Variants in CHODL observed in about 807,000 individuals in gnomAD.
CHODL encodes the protein chondrolectin, also known as transmembrane protein MT75.
A neutral mutation model predicts 34.5 loss-of-function variants in CHODL; 29 were observed. That is an observed-to-expected ratio of 0.84 (90% CI 0.63 to 1.15). The LOEUF is 1.15. CHODL is among the 50% of genes most tolerant of loss of function. CHODL has a pLI of 0.00. For synonymous variants in CHODL, 125 were observed against 116.1 expected (o/e 1.08, Z -0.49); for missense variants, 332 against 332.5 (o/e 1.00, Z 0.01).
intron 2 of CHODL, among the ~76,000 whole-genome samples, chr21:18,160,041 C>T (rs2073077607): frequency 6.6e-6 from 1 of 152,332 alleles, no homozygotes; most frequent in Admixed American, 6.5e-5. Context: ...TTCTTTTAAA[C>T]TATTAAATTT....
chr21:17,995,407 T>C (rs2146393210), intron 1 of CHODL, among the ~76,000 whole-genome samples: 1 of 152,298 alleles, frequency 6.6e-6, no homozygotes, highest in African/African-American at 2.4e-5. Flanking sequence ...GGGGAGTGCT[T>C]TCTCACTCTG....
intron 2 of CHODL, among the ~76,000 whole-genome samples, chr21:18,147,323 C>G (rs76827534): frequency 0.047 from 7,104 of 152,212 alleles, 256 homozygotes; most frequent in Non-Finnish European, 0.072. Flanking sequence ...TAGAATCTAC[C>G]ACATTCGAAG....
At chr21:18,038,953 T>C (rs913951077) in intron 2 of CHODL, among the ~76,000 whole-genome samples, 2 of 151,658 alleles carry the variant, frequency 1.3e-5, no homozygotes, top group Non-Finnish European at 3.0e-5. Context: ...TGATCCCAGA[T>C]ATGTAAACAA....
chr21:18,145,953 G>GT (rs1379529353), intron 2 of CHODL, among the ~76,000 whole-genome samples: 25 of 150,420 alleles, frequency 1.7e-4, no homozygotes, highest in African/African-American at 6.0e-4. Context: ...TTATTTTTTG[G>GT]TTTTGTTTTT....
intron 2 of CHODL, among the ~76,000 whole-genome samples, chr21:18,148,158 A>G (rs1208645827): frequency 1.3e-5 from 2 of 152,132 alleles, no homozygotes; most frequent in Non-Finnish European, 2.9e-5. Flanking sequence ...ACATCTCCCA[A>G]ACTGCAGCAC....
intron 1 of CHODL, among the ~76,000 whole-genome samples, chr21:17,965,831 T>A (rs1173301623): frequency 1.3e-5 from 2 of 151,800 alleles, no homozygotes; most frequent in Non-Finnish European, 2.9e-5. Flanking sequence ...TAGAGTTACA[T>A]GACCAAGATA....
chr21:18,210,582 T>TAA (rs1357715831), intron 2 of CHODL, among the ~76,000 whole-genome samples: 1 of 152,154 alleles, frequency 6.6e-6, no homozygotes, highest in Admixed American at 6.5e-5. Flanking sequence ...CTGCTCAGGT[T>TAA]AAAAACTCTG....
intron 1 of CHODL, among the ~76,000 whole-genome samples, chr21:18,002,100 G>A (rs908631165): frequency 1.2e-4 from 18 of 152,046 alleles, no homozygotes; most frequent in African/African-American, 4.3e-4. Context: ...TTCAAATAAG[G>A]GAAAATAAAA....
intron 1 of CHODL, among the ~76,000 whole-genome samples, chr21:17,953,007 C>G (rs1207145008): frequency 1.3e-5 from 2 of 152,068 alleles, no homozygotes; most frequent in Non-Finnish European, 2.9e-5. Flanking sequence ...AAAAATTGCC[C>G]CCATGATCCA....
intron 2 of CHODL, among the ~76,000 whole-genome samples, chr21:18,057,696 A>AAAATCT (rs2064601179): frequency 3.3e-5 from 5 of 152,170 alleles, no homozygotes; most frequent in Admixed American, 2.0e-4. Flanking sequence ...TCCATTAAAA[A>AAAATCT]AAATCTTATA....
chr21:17,948,065 T>C lies in CHODL; in HGVS notation c.-145+30665T>C, dbSNP rs192809631. Among the ~76,000 whole-genome samples, 854 of 152,270 alleles carry C rather than the reference T, an allele frequency of 5.6e-3. 8 individuals carry two copies. Among genetic ancestry groups the C allele is most frequent in the Admixed American group, 0.01 (155 of 15,296 alleles). On this transcript the variant is annotated intron_variant, in intron 1 of 6. Transcript: ENST00000400127. The stretch of plus-strand genomic sequence containing the variant: ...CAACTGAGAAACAGAAAGTCAAATA[T>C]GCATCTTCTCACTTATAAGTAGTAG...
chr21:17,948,391 AAAC>A lies in CHODL; in HGVS notation c.-145+30994_-145+30996del, dbSNP rs2063429828. 2.6e-5 allele frequency among the ~76,000 whole-genome samples: 4 copies of A among 152,170 alleles called. 1 individual carries two copies. In the South Asian group the frequency reaches 6.2e-4, roughly 24 times the overall value. On this transcript the variant is annotated intron_variant, in intron 1 of 6. Transcript: ENST00000400127. ...AACATTACACTTCAAGAAATAAAAAAAACAAGAACTAATTAAACCCACAATTAA... is the reference window on the plus strand; with the variant it reads ...AACATTACACTTCAAGAAATAAAAAAAAGAACTAATTAAACCCACAATTAA...
chr21:18,220,065 G>T (rs928289855), intron 2 of CHODL, among the ~76,000 whole-genome samples: 3 of 152,114 alleles, frequency 2.0e-5, no homozygotes, highest in Non-Finnish European at 2.9e-5. Context: ...AGAGCTTCAG[G>T]TCTTACATTT....
chr21:18,197,865 G>A (rs1176758118), intron 2 of CHODL, among the ~76,000 whole-genome samples: 1 of 152,188 alleles, frequency 6.6e-6, no homozygotes, highest in Admixed American at 6.5e-5. Flanking sequence ...CAAAAGGAAA[G>A]CTTTGTCAAC....
intron 2 of CHODL, among the ~76,000 whole-genome samples, chr21:18,105,165 G>A (rs1161097048): frequency 2.6e-5 from 4 of 152,216 alleles, no homozygotes; most frequent in African/African-American, 9.7e-5. Context: ...GAGGAATCAT[G>A]AAGTAGTGAT....
intron 2 of CHODL, among the ~76,000 whole-genome samples, chr21:18,107,222 T>G (rs2065284349): frequency 6.6e-6 from 1 of 152,222 alleles, no homozygotes; most frequent in Admixed American, 6.5e-5. Context: ...TGCTGGAAGC[T>G]TAATCAGATG....
At chr21:17,952,049 CAT>C (rs1469703188) in intron 1 of CHODL, among the ~76,000 whole-genome samples, 1 of 151,934 alleles carries the variant, frequency 6.6e-6, no homozygotes, top group African/African-American at 2.4e-5. Flanking sequence ...GCCTGGGCAA[CAT>C]AGGGAGACCC....
intron 2 of CHODL, chr21:18,114,716 A>G (rs2065391744): frequency 6.6e-6 from 1 of 152,272 alleles, no homozygotes; most frequent in Non-Finnish European, 1.5e-5. Flanking sequence ...GATTACAGGC[A>G]TGGGCCACCA....
rs191483372 is a variant in CHODL at position 18,208,334 on chromosome 21, T to G, written c.-44-48175T>G. Among the ~76,000 whole-genome samples the G allele has an allele frequency of 1.9e-4, 29 of 152,258 alleles. 1 individual carries two copies. In the East Asian group the frequency reaches 2.7e-3, roughly 14 times the overall value. ...AGAATTTAGGCTTGAATCTTTTTGA[T>G]TATTTTAATCTCTTTGTTAAAGTAA... On this transcript the variant is annotated intron_variant, in intron 2 of 6. Transcript: ENST00000400127.
Sources: gnomAD v4.1 joint callset for allele counts (sites outside exome capture counted in the v4.1 genomes callset) on GRCh38, gnomAD v4.1.1 for gene constraint, MANE v1.5 for transcripts, NCBI Gene and HGNC (gene_info 2026-07-23, HGNC 2026-07-21) for gene names.